The following ALDH3A2 variants were observed in gnomAD, a reference collection of about 807,000 sequenced individuals.
ALDH3A2 encodes aldehyde dehydrogenase 3 family member A2, also known as aldehyde dehydrogenase family 3 member A2.
ALDH3A2 carries 36 observed loss-of-function variants against 51.3 expected under a neutral mutation model. The observed-to-expected ratio is 0.70, with a 90% CI of 0.54 to 0.93. ALDH3A2 has a LOEUF of 0.93. Among genes scored for constraint, ALDH3A2 ranks in the 40% least tolerant of loss-of-function variants. The pLI, the probability that ALDH3A2 is intolerant of heterozygous loss-of-function variation, is 0.00. For synonymous variants in ALDH3A2, 199 were observed against 219.8 expected, an observed-to-expected ratio of 0.91 and a Z score of 0.84; for missense variants, 552 against 603.1, an observed-to-expected ratio of 0.92 and a Z score of 0.89.
intron 3 of ALDH3A2, among the ~76,000 whole-genome samples, chr17:19,653,337 G>C (rs907385290): frequency 3.3e-5 from 5 of 152,154 alleles, no homozygotes; most frequent in African/African-American, 1.2e-4. Flanking sequence ...GAGCCACCAT[G>C]CCCATGTGTC....
intron 7 of ALDH3A2, among the ~76,000 whole-genome samples, chr17:19,664,713 G>T (rs1413792216): frequency 6.6e-6 from 1 of 152,136 alleles, no homozygotes; most frequent in Non-Finnish European, 1.5e-5. Context: ...GCCTCCTTTT[G>T]TGCACTAGAT....
At chr17:19,659,843 CA>C (rs35053333) in intron 5 of ALDH3A2, 3,521 of 83,620 alleles carry the variant, frequency 0.042, 56 homozygotes, top group African/African-American at 0.087. Context: ...GACCCTGTCT[CA>C]AAAAAAAAAA....
At chr17:19,673,255 G>C in intron 9 of ALDH3A2, 3 of 1,614,154 alleles carry the variant, frequency 1.9e-6, no homozygotes, top group Non-Finnish European at 2.5e-6. Flanking sequence ...TCAAAACCCA[G>C]CCCTGTCTGT....
chr17:19,648,820 G>T lies in ALDH3A2; in HGVS notation c.-152G>T, dbSNP rs998502015. 27 of 1,089,106 alleles carry T rather than the reference G, an allele frequency of 2.5e-5. No homozygotes were observed. The highest frequency in any genetic ancestry group is 3.2e-5 in the Non-Finnish European group (24 of 760,482). 67.5% of individuals were successfully genotyped at this position (1,089,106 alleles called of 1,614,324 possible). On this transcript the variant is annotated 5_prime_UTR_variant, in exon 1 of 10. Transcript: ENST00000176643. ...GTGGAGGTCGCGGCTGAGCGAGCGA[G>T]CCCTGGGCGAGTGAATTGTGGCTGT...
At chr17:19,653,464 A>G (rs1332678457) in intron 3 of ALDH3A2, among the ~76,000 whole-genome samples, 1 of 151,964 alleles carries the variant, frequency 6.6e-6, no homozygotes, top group Non-Finnish European at 1.5e-5. Context: ...TGATGTTCGG[A>G]CATGTTCGGA....
intron 8 of ALDH3A2, among the ~76,000 whole-genome samples, chr17:19,670,751 C>G (rs1171065056): frequency 6.6e-6 from 1 of 152,138 alleles, no homozygotes; most frequent in Non-Finnish European, 1.5e-5. Context: ...TTAGTAGAGA[C>G]GGGATTTAAC....
chr17:19,651,091 G>A (rs1315943130), intron 1 of ALDH3A2, among the ~76,000 whole-genome samples: 3 of 152,168 alleles, frequency 2.0e-5, no homozygotes, highest in Non-Finnish European at 4.4e-5. Context: ...AAACTTGACT[G>A]GGAAACAGAA....
chr17:19,668,879 G>A lies in ALDH3A2; in HGVS notation c.1208-2842G>A, dbSNP rs367709733. On this transcript the variant is annotated intron_variant, in intron 8 of 9. Transcript: ENST00000176643. ...GTACCTCCAGCTTGGGCAACAGAGC[G>A]AGACTCTGTCTCAAAAAAATAAGAA... Among the ~76,000 whole-genome samples the A allele has an allele frequency of 9.1e-5, 12 of 132,360 alleles. 4 individuals are homozygous for A. In the South Asian group the frequency reaches 2.3e-3, roughly 26 times the overall value. 86.8% of individuals were successfully genotyped at this position (132,360 alleles called of 152,430 possible). A position where few individuals can be genotyped will look rare whatever the true frequency, so the allele number is the denominator to read the frequency against.
chr17:19,662,335 T>C (rs866714474), intron 6 of ALDH3A2, among the ~76,000 whole-genome samples: 1 of 152,170 alleles, frequency 6.6e-6, no homozygotes, highest in African/African-American at 2.4e-5. Context: ...ATGTGGGCAA[T>C]GGATTTGGAG....
Position 19,656,424 on chromosome 17 carries a change from G to T in ALDH3A2, c.530G>T (p.Arg177Leu). 1 of 1,614,138 alleles carries T rather than the reference G, an allele frequency of 6.2e-7. No homozygotes were observed. The change falls in exon 4 of 10, where the codon CGA becomes CTA. Residue 177 changes from arginine (R) to leucine (L), a missense_variant. Transcript: ENST00000176643. ...VEETTELLKQRFDHIFYTGNT... is the reference protein window; with the variant it reads ...VEETTELLKQLFDHIFYTGNT... ...GAAACCACGGAGCTCCTGAAGCAGCGATTTGACCACATTTTCTATACGGGA... is the reference window on the plus strand; with the variant it reads ...GAAACCACGGAGCTCCTGAAGCAGCTATTTGACCACATTTTCTATACGGGA...
At chr17:19,652,833 A>C (rs958830277) in intron 3 of ALDH3A2, 1 of 595,124 alleles carries the variant, frequency 1.7e-6, no homozygotes, top group African/African-American at 1.9e-5. Context: ...TCTTGGGGTT[A>C]CACAATATAT....
chr17:19,665,001 C>T lies in ALDH3A2; in HGVS notation c.1161C>T (p.Asp387=), dbSNP rs759678665. 61 of 1,613,910 alleles carry T rather than the reference C, an allele frequency of 3.8e-5. No homozygotes were observed. The highest frequency in any genetic ancestry group is 5.0e-5 in the Admixed American group (3 of 59,992). ...CCAGTGGAGGTGTCACAGGCAATGACGTCATTATGCACTTCACGCTCAACT... is the reference window on the plus strand; with the variant it reads ...CCAGTGGAGGTGTCACAGGCAATGATGTCATTATGCACTTCACGCTCAACT... ...ETSSGGVTGN[D]VIMHFTLNSF... The change falls in exon 8 of 10, where the codon GAC becomes GAT. Residue 387 remains aspartate, a synonymous_variant. Transcript: ENST00000176643.
chr17:19,651,723 T>C lies in ALDH3A2; in HGVS notation c.330T>C (p.Ala110=). Residue 110 remains alanine (A), a synonymous_variant, in exon 2 of 10, where the codon GCT becomes GCC. Coordinates refer to ENST00000176643, the MANE Select transcript of ALDH3A2 (RefSeq NM_000382.3). ...QPLGVVLIIG[A]WNYPFVLTIQ... is the part of the protein sequence containing the mutation. ...TGGGAGTGGTGCTGATAATCGGAGC[T>C]TGGAATTACCCCTTCGTTCTCACCA... 1 of 1,614,210 alleles carries C rather than the reference T, an allele frequency of 6.2e-7. No individual in the cohort carries two copies. The highest frequency in any genetic ancestry group is 1.6e-4 in the Middle Eastern group (1 of 6,062).
At chr17:19,655,635 C>A (rs1333761333) in intron 3 of ALDH3A2, among the ~76,000 whole-genome samples, 1 of 152,234 alleles carries the variant, frequency 6.6e-6, no homozygotes, top group Non-Finnish European at 1.5e-5. Flanking sequence ...CTTCACACTT[C>A]CACCTTGGAG....
rs1365772294 is a variant in ALDH3A2, at chr17:19,661,182, T to A, written c.854T>A (p.Leu285His). 1 of 1,613,670 alleles carries A rather than the reference T, an allele frequency of 6.2e-7. No individual in the cohort carries two copies. ...ESPDYERIIN[L>H]RHFKRILSLL... ...CCTGATTATGAAAGGATCATCAATC[T>A]TCGTCATTTTAAGAGGATACTAAGT... is the stretch of plus-strand genomic sequence containing the variant. The change falls in exon 6 of 10, where the codon CTT becomes CAT. Residue 285 changes from leucine (L) to histidine (H), a missense_variant. Physicochemically the swap from Leu to His is moderately conservative, Grantham distance 99 (BLOSUM62 -3). Transcript: ENST00000176643.
At chr17:19,658,967 C>T (rs548478575) in intron 5 of ALDH3A2, among the ~76,000 whole-genome samples, 5 of 151,600 alleles carry the variant, frequency 3.3e-5, no homozygotes, top group Non-Finnish European at 1.5e-5. Context: ...CATGGTGGCT[C>T]ACGCCTGTAA....
In ALDH3A2 at chr17:19,663,483, T is replaced by G. The variant is rs1311859429; in HGVS notation, c.1091T>G (p.Phe364Cys). The G allele has an allele frequency of 1.2e-6, 2 of 1,614,138 alleles. No individual in the cohort carries two copies. The highest frequency in any genetic ancestry group is 1.7e-6 in the Non-Finnish European group (2 of 1,180,016). ...EREKPLALYV[F>C]SHNHKLIKRM... Reference sequence around the variant, plus strand: ...GAAAAGCCTCTGGCTCTTTATGTATTTTCGCATAACCATAAGGTAAGCTTT... The same window carrying G: ...GAAAAGCCTCTGGCTCTTTATGTATGTTCGCATAACCATAAGGTAAGCTTT... The change falls in exon 7 of 10, where the codon TTT (phenylalanine) becomes TGT (cysteine). Residue 364 changes from phenylalanine (F) to cysteine (C), a missense_variant. By Grantham distance (205) the Phe-to-Cys change is radical. Transcript: ENST00000176643.
intron 2 of ALDH3A2, 27 bp from the exon 3 acceptor site, chr17:19,652,520 T>C: frequency 6.5e-7 from 1 of 1,546,964 alleles, no homozygotes; most frequent in South Asian, 1.1e-5. Context: ...TATTAGATGA[T>C]ACTGTTCTAC....
At chr17:19,675,441 A>G (rs2085175049) in intron 9 of ALDH3A2, 117 bp from the exon 10 acceptor site, 1 of 1,035,884 alleles carries the variant, frequency 9.7e-7, no homozygotes, top group Non-Finnish European at 1.5e-6. Flanking sequence ...CAATGCATGT[A>G]GAGTCTCTTC....
Sources: gnomAD v4.1 joint callset for allele counts (sites outside exome capture counted in the v4.1 genomes callset) on GRCh38, gnomAD v4.1.1 for gene constraint, MANE v1.5 for transcripts, NCBI Gene and HGNC (gene_info 2026-07-23, HGNC 2026-07-21) for gene names.